The following PMM2 variants were observed in gnomAD, a reference collection of about 807,000 sequenced individuals.
PMM2 encodes phosphomannomutase 2.
A neutral mutation model predicts 33.2 loss-of-function variants in PMM2; 35 were observed. That is an observed-to-expected ratio of 1.06 (90% confidence interval 0.81 to 1.40). The LOEUF (loss-of-function observed/expected upper bound fraction) is 1.40. Among genes scored for constraint, PMM2 ranks in the 40% most tolerant of loss-of-function variants. The pLI is 0.00. For synonymous variants in PMM2, 153 were observed against 114.7 expected (o/e 1.33, Z -2.13); for missense variants, 386 against 306.0 (o/e 1.26, Z -1.95).
intron 7 of PMM2, chr16:8,832,198 C>G: frequency 1.0e-6 from 1 of 985,356 alleles, no homozygotes; most frequent in Non-Finnish European, 1.2e-6. Context: ...CTGAGAGTCA[C>G]AAAGAAAGAA....
At chr16:8,831,744 CTCA>C (rs1200950903) in intron 7 of PMM2, among the ~76,000 whole-genome samples, 2 of 152,212 alleles carry the variant, frequency 1.3e-5, no homozygotes, top group African/African-American at 4.8e-5. Context: ...GGTGGGGAGA[CTCA>C]TCAGCCCCCT....
intron 7 of PMM2, among the ~76,000 whole-genome samples, chr16:8,833,128 A>C (rs373217005): frequency 1.9e-4 from 29 of 152,332 alleles, no homozygotes; most frequent in African/African-American, 5.3e-4. Flanking sequence ...AGGCGGGCTG[A>C]GTCCCAAAAG....
chr16:8,831,755 C>T (rs568750663), intron 7 of PMM2, among the ~76,000 whole-genome samples: 24 of 152,306 alleles, frequency 1.6e-4, no homozygotes, highest in South Asian at 1.5e-3. Flanking sequence ...TCATCAGCCC[C>T]CTGGCATCTG....
At chr16:8,827,808 A>G (rs1332134834) in intron 7 of PMM2, among the ~76,000 whole-genome samples, 5 of 100,668 alleles carry the variant, frequency 5.0e-5, no homozygotes, top group Admixed American at 1.3e-4. Flanking sequence ...ACATATTTAT[A>G]TATTTATATA....
Position 8,849,321 on chromosome 16 carries a change from T to C in PMM2, c.*1496T>C, listed in dbSNP as rs749170665. On this transcript the variant is annotated 3_prime_UTR_variant, in exon 8 of 8. Transcript: ENST00000268261. ...AGAGTAGCACATTAAAGTGATTTTA[T>C]TGTTTCCTGTTTCTCATTCCGATTT... 3.9e-5 allele frequency: 6 copies of C among 152,250 alleles called. No individual in the cohort carries two copies. The highest frequency in any genetic ancestry group is 1.4e-4 in the African/African-American group (6 of 41,468). 9.4% of individuals were successfully genotyped at this position (152,250 alleles called of 1,614,324 possible).
intron 7 of PMM2, among the ~76,000 whole-genome samples, chr16:8,813,857 C>CTTTTTTTTTTTTTTTT (rs148507269): frequency 7.9e-5 from 7 of 89,138 alleles, no homozygotes; most frequent in Admixed American, 1.3e-4. Context: ...TTTTCTTTCT[C>CTTTTTTTTTTTTTTTT]TTTTTTTTTT....
At chr16:8,815,906 T>G (rs1326689530) in intron 7 of PMM2, among the ~76,000 whole-genome samples, 1 of 151,818 alleles carries the variant, frequency 6.6e-6, no homozygotes, top group East Asian at 1.9e-4. Context: ...ACCATATATC[T>G]GATAAAAGGG....
chr16:8,828,218 TTTTG>T (rs2060789729), intron 7 of PMM2, among the ~76,000 whole-genome samples: 1 of 151,756 alleles, frequency 6.6e-6, no homozygotes, highest in African/African-American at 2.4e-5. Context: ...GTAAGCAGTT[TTTTG>T]TTTTTTTCTT....
intron 3 of PMM2, among the ~76,000 whole-genome samples, chr16:8,805,909 G>C (rs1368230948): frequency 6.6e-6 from 1 of 152,122 alleles, no homozygotes; most frequent in Non-Finnish European, 1.5e-5. Flanking sequence ...ATTTTTAAGA[G>C]GTACTGTGTA....
intron 7 of PMM2, chr16:8,832,096 G>A: frequency 1.0e-6 from 1 of 967,018 alleles, no homozygotes; most frequent in Non-Finnish European, 1.2e-6. Flanking sequence ...CATTTCATTT[G>A]GGGTCCGCTT....
chr16:8,829,563 A>C (rs1443785560), intron 7 of PMM2, among the ~76,000 whole-genome samples: 1 of 152,218 alleles, frequency 6.6e-6, no homozygotes, highest in African/African-American at 2.4e-5. Context: ...CCCAGCATCA[A>C]CTTGGCAAGG....
intron 7 of PMM2, among the ~76,000 whole-genome samples, chr16:8,820,538 G>A (rs2060732476): frequency 6.6e-6 from 1 of 152,088 alleles, no homozygotes; most frequent in South Asian, 2.1e-4. Context: ...ATTTTTAGTA[G>A]AGACGGGGTT....
intron 7 of PMM2, among the ~76,000 whole-genome samples, chr16:8,835,925 C>A (rs142408114): frequency 6.6e-6 from 1 of 151,332 alleles, no homozygotes; most frequent in Non-Finnish European, 1.5e-5. Flanking sequence ...GGAAGAAGGG[C>A]GGCAATGAGA....
chr16:8,818,794 C>T (rs1282162817), intron 7 of PMM2, among the ~76,000 whole-genome samples: 1 of 152,214 alleles, frequency 6.6e-6, no homozygotes, highest in Non-Finnish European at 1.5e-5. Flanking sequence ...GCCACAAAAG[C>T]CAGTGTTTCT....
intron 7 of PMM2, among the ~76,000 whole-genome samples, chr16:8,827,591 TC>T (rs2060776901): frequency 6.7e-6 from 1 of 148,274 alleles, no homozygotes; most frequent in South Asian, 2.1e-4. Flanking sequence ...AGACAGGGTT[TC>T]ACTATGTTGG....
chr16:8,841,147 C>T (rs1021112630), intron 7 of PMM2, among the ~76,000 whole-genome samples: 2 of 151,492 alleles, frequency 1.3e-5, no homozygotes, highest in African/African-American at 4.8e-5. Flanking sequence ...GACCATTAGT[C>T]CGTTCTACCT....
At chr16:8,811,286 C>T (rs755891772) in intron 5 of PMM2, 108 bp downstream of exon 5, 5 of 784,130 alleles carry the variant, frequency 6.4e-6, no homozygotes, top group Non-Finnish European at 1.1e-5. Flanking sequence ...GAGGCCAAGG[C>T]AGGAGGATCA....
chr16:8,821,626 G>C (rs962094261), intron 7 of PMM2, among the ~76,000 whole-genome samples: 1 of 152,216 alleles, frequency 6.6e-6, no homozygotes, highest in African/African-American at 2.4e-5. Context: ...GCCCTTGAAG[G>C]CCGGAGAGGT....
chr16:8,830,181 G>A (rs983042672), intron 7 of PMM2, among the ~76,000 whole-genome samples: 1 of 152,204 alleles, frequency 6.6e-6, no homozygotes, highest in Non-Finnish European at 1.5e-5. Flanking sequence ...CTAGGTGGCC[G>A]CCTGGGCTGG....
Sources: allele counts gnomAD v4.1 joint callset (sites outside exome capture counted in the v4.1 genomes callset), GRCh38; gene constraint gnomAD v4.1.1; transcripts MANE v1.5; gene names NCBI Gene and HGNC (gene_info 2026-07-23, HGNC 2026-07-21).